XKR4: variants seen among roughly 807,000 people sequenced by gnomAD.
The protein encoded by XKR4 is XK-related protein 4.
In XKR4, 12 loss-of-function variants were observed where a neutral mutation model predicts 53.9. The observed-to-expected ratio is 0.22, with a 90% confidence interval of 0.14 to 0.36. The LOEUF (loss-of-function observed/expected upper bound fraction) is 0.36. Ranked by LOEUF, XKR4 falls within the 10% of genes least tolerant of loss-of-function variation. The pLI is 1.00. For synonymous variants in XKR4, 354 were observed against 362.4 expected (o/e 0.98, Z 0.26); for missense variants, 799 against 859.5 (o/e 0.93, Z 0.88).
intron 2 of XKR4, among the ~76,000 whole-genome samples, chr8:55,472,365 A>G (rs1454364636): frequency 1.3e-5 from 2 of 152,178 alleles, no homozygotes; most frequent in African/African-American, 4.8e-5. Flanking sequence ...AGTCATTTCA[A>G]AATGCAAATT....
At chr8:55,292,449 A>G (rs1819043651) in intron 1 of XKR4, among the ~76,000 whole-genome samples, 1 of 152,112 alleles carries the variant, frequency 6.6e-6, no homozygotes, top group South Asian at 2.1e-4. Context: ...AGAATTGTTC[A>G]TACCATTCTC....
At chr8:55,296,574 A>C (rs1230671241) in intron 1 of XKR4, among the ~76,000 whole-genome samples, 1 of 152,198 alleles carries the variant, frequency 6.6e-6, no homozygotes, top group Admixed American at 6.5e-5. Context: ...ACCACACAGA[A>C]ACCAAGCTTT....
chr8:55,454,334 A>T lies in XKR4; in HGVS notation c.1007-68947A>T, dbSNP rs776566841. 2.0e-6 allele frequency: 3 copies of T among 1,502,648 alleles called. No individual in the cohort carries two copies. In the Admixed American group the frequency reaches 5.0e-5, roughly 25 times the overall value. The allele number at this position is 1,502,648 out of a possible 1,614,324, so 93.1% of individuals were successfully genotyped here. ...GATTATGAAGGGCGTGGGTGTGCTG[A>T]GGGCCTCCAGCAGCTGGGCCGGCAG... On this transcript the variant is annotated intron_variant, in intron 2 of 2. Transcript: ENST00000327381.
At chr8:55,394,637 T>C (rs1430110032) in intron 2 of XKR4, among the ~76,000 whole-genome samples, 1 of 152,186 alleles carries the variant, frequency 6.6e-6, no homozygotes, top group Non-Finnish European at 1.5e-5. Flanking sequence ...CACAGCATGC[T>C]CATAAAGAGA....
At chr8:55,440,145 G>C (rs142210741) in intron 2 of XKR4, among the ~76,000 whole-genome samples, 1 of 152,250 alleles carries the variant, frequency 6.6e-6, no homozygotes, top group East Asian at 1.9e-4. Flanking sequence ...CCAGAATATA[G>C]TATGTTTTAG....
At chr8:55,206,111 A>G (rs2031860173) in intron 1 of XKR4, among the ~76,000 whole-genome samples, 1 of 152,206 alleles carries the variant, frequency 6.6e-6, no homozygotes, top group South Asian at 2.1e-4. Flanking sequence ...GTCACAGCTC[A>G]TAAAGGCAGT....
chr8:55,462,950 T>C (rs1180205498), intron 2 of XKR4, among the ~76,000 whole-genome samples: 1 of 152,078 alleles, frequency 6.6e-6, no homozygotes, highest in Non-Finnish European at 1.5e-5. Context: ...ATGCACCCAA[T>C]ACAGGAGCAC....
chr8:55,139,304 G>C (rs576225727), intron 1 of XKR4, among the ~76,000 whole-genome samples: 3 of 152,178 alleles, frequency 2.0e-5, no homozygotes, highest in South Asian at 4.2e-4. Context: ...GGGAGGCCAG[G>C]GCAGGTGGAT....
chr8:55,240,700 A>G (rs1166974982), intron 1 of XKR4, among the ~76,000 whole-genome samples: 2 of 152,220 alleles, frequency 1.3e-5, no homozygotes, highest in Non-Finnish European at 2.9e-5. Context: ...CATCTCTGGA[A>G]GTCCATTGCT....
chr8:55,374,599 G>A (rs1302490819), intron 2 of XKR4, among the ~76,000 whole-genome samples: 1 of 152,170 alleles, frequency 6.6e-6, no homozygotes, highest in African/African-American at 2.4e-5. Flanking sequence ...AGAGAGGTGG[G>A]TGTATTGGAA....
At position 55,342,104 on chromosome 8, in the gene XKR4, G is replaced by A. The variant is rs994441510; in HGVS notation, c.807-15574G>A. 4.6e-5 allele frequency among the ~76,000 whole-genome samples: 7 copies of A among 151,916 alleles called. No individual in the cohort carries two copies. The South Asian group carries it at 6.3e-4, about 14-fold the overall frequency. On this transcript the variant is annotated intron_variant, in intron 1 of 2. Coordinates refer to ENST00000327381, the MANE Select transcript of XKR4 (RefSeq NM_052898.2). ...AAGCTCATCATGATCTGTGGATCTC[G>A]CATCTAAGTTGCCCCATCTCTGTAA...
At chr8:55,306,773 T>C (rs1273347880) in intron 1 of XKR4, among the ~76,000 whole-genome samples, 4 of 152,180 alleles carry the variant, frequency 2.6e-5, no homozygotes, top group African/African-American at 2.4e-5. Flanking sequence ...AATGGATTCA[T>C]ATAAGTGCTC....
At chr8:55,342,976 A>C (rs564788528) in intron 1 of XKR4, among the ~76,000 whole-genome samples, 2 of 152,350 alleles carry the variant, frequency 1.3e-5, no homozygotes, top group South Asian at 2.1e-4. Flanking sequence ...AAAGAGTAGA[A>C]TGAATCAATT....
chr8:55,387,608 C>T (rs1804341369), intron 2 of XKR4, among the ~76,000 whole-genome samples: 1 of 152,180 alleles, frequency 6.6e-6, no homozygotes, highest in South Asian at 2.1e-4. Context: ...TCAGCTTGCT[C>T]CTCCCCAGAA....
At chr8:55,109,263 T>G (rs1816199635) in intron 1 of XKR4, among the ~76,000 whole-genome samples, 2 of 152,216 alleles carry the variant, frequency 1.3e-5, no homozygotes, top group South Asian at 4.1e-4. Flanking sequence ...CAGAGGGTTG[T>G]ACCAGAAGAT....
chr8:55,168,861 T>G (rs1817108720), intron 1 of XKR4, among the ~76,000 whole-genome samples: 1 of 152,204 alleles, frequency 6.6e-6, no homozygotes, highest in Non-Finnish European at 1.5e-5. Flanking sequence ...ATATGCTGAA[T>G]ATTCTGAATC....
At chr8:55,404,926 G>A (rs1207993155) in intron 2 of XKR4, among the ~76,000 whole-genome samples, 12 of 152,314 alleles carry the variant, frequency 7.9e-5, no homozygotes, top group Non-Finnish European at 1.0e-4. Context: ...CGACAAGCAC[G>A]GATTACGTCT....
chr8:55,384,932 A>G (rs1287663258), intron 2 of XKR4, among the ~76,000 whole-genome samples: 1 of 152,226 alleles, frequency 6.6e-6, no homozygotes, highest in Non-Finnish European at 1.5e-5. Context: ...CTAAAAATAC[A>G]GCAGGGACTC....
chr8:55,449,885 C>T, intron 2 of XKR4: 4 of 916,022 alleles, frequency 4.4e-6, no homozygotes, highest in East Asian at 2.4e-5. Flanking sequence ...CTGGTGCTGC[C>T]GCAGGCAGCC....
Sources: allele counts gnomAD v4.1 joint callset (sites outside exome capture counted in the v4.1 genomes callset), GRCh38; gene constraint gnomAD v4.1.1; transcripts MANE v1.5; gene names NCBI Gene and HGNC (gene_info 2026-07-23, HGNC 2026-07-21).